Variants in REC114 observed in about 807,000 individuals in gnomAD.
REC114 encodes REC114 meiotic recombination protein, also known as meiotic recombination protein REC114.
REC114 carries 27 observed loss-of-function variants against 31.3 expected under a neutral mutation model. That is an observed-to-expected ratio of 0.86 (90% CI 0.64 to 1.19). REC114 has a LOEUF of 1.19. Among genes scored for constraint, REC114 ranks in the 50% most tolerant of loss-of-function variants. The pLI is 0.00. For synonymous variants in REC114, 134 were observed against 127.7 expected, an observed-to-expected ratio of 1.05 and a Z score of -0.33; for missense variants, 344 against 326.9, an observed-to-expected ratio of 1.05 and a Z score of -0.40.
At chr15:73,478,071 C>G (rs932739169) in intron 2 of REC114, among the ~76,000 whole-genome samples, 1 of 151,888 alleles carries the variant, frequency 6.6e-6, no homozygotes, top group Non-Finnish European at 1.5e-5. Flanking sequence ...CGAGACCAGC[C>G]TGGCCAACAT....
At chr15:73,473,153 G>A (rs1350792457) in intron 1 of REC114, among the ~76,000 whole-genome samples, 1 of 152,162 alleles carries the variant, frequency 6.6e-6, no homozygotes, top group African/African-American at 2.4e-5. Flanking sequence ...ACTTTGGGAG[G>A]CTGAGGTGGG....
chr15:73,519,785 T>C (rs1893909963), intron 2 of REC114, among the ~76,000 whole-genome samples: 1 of 152,256 alleles, frequency 6.6e-6, no homozygotes, highest in South Asian at 2.1e-4. Flanking sequence ...TAATGGAATA[T>C]TATTTATCCT....
chr15:73,503,334 G>A (rs979277122), intron 2 of REC114, among the ~76,000 whole-genome samples: 6 of 152,048 alleles, frequency 3.9e-5, no homozygotes. Flanking sequence ...ACTAAAAAGG[G>A]TGAGTTTTAC....
At chr15:73,495,466 A>C (rs1376311340) in intron 2 of REC114, among the ~76,000 whole-genome samples, 1 of 151,980 alleles carries the variant, frequency 6.6e-6, no homozygotes, top group Non-Finnish European at 1.5e-5. Flanking sequence ...CCAAAACAAA[A>C]CATAAATACC....
intron 2 of REC114, among the ~76,000 whole-genome samples, chr15:73,538,342 G>GT (rs1555404355): frequency 6.6e-6 from 1 of 150,878 alleles, no homozygotes; most frequent in Non-Finnish European, 1.5e-5. Context: ...TTTGTTCAGT[G>GT]TTTTTTGATA....
At chr15:73,533,894 C>A (rs1260925927) in intron 2 of REC114, among the ~76,000 whole-genome samples, 25 of 80,196 alleles carry the variant, frequency 3.1e-4, no homozygotes, top group African/African-American at 1.3e-3. Flanking sequence ...CACTCAAAAC[C>A]GCTCAACTAC....
At position 73,508,423 on chromosome 15, in the gene REC114, C is replaced by CT. The variant is rs200021553; in HGVS notation, c.250-32049dup. Among the ~76,000 whole-genome samples, 503 of 122,108 alleles carry CT rather than the reference C, an allele frequency of 4.1e-3. 1 individual carries two copies. Among genetic ancestry groups the CT allele is most frequent in the African/African-American group, 0.011 (383 of 34,070 alleles). The allele number at this position is 122,108 out of a possible 152,430, so 80.1% of individuals were successfully genotyped here. ...ACTACCCTCTACCGCAGCACAGTTT[C>CT]TTTTTTTTTTTTTCTTTTTTAATTT... On this transcript the variant is annotated intron_variant, in intron 2 of 5. Transcript: ENST00000331090.
intron 2 of REC114, among the ~76,000 whole-genome samples, chr15:73,534,720 A>C (rs1894131616): frequency 6.6e-6 from 1 of 150,686 alleles, no homozygotes; most frequent in Non-Finnish European, 1.5e-5. Flanking sequence ...AGGCAGAGAC[A>C]CAACAAAAAA....
At chr15:73,508,750 C>G (rs1374527848) in intron 2 of REC114, among the ~76,000 whole-genome samples, 1 of 150,772 alleles carries the variant, frequency 6.6e-6, no homozygotes, top group Non-Finnish European at 1.5e-5. Context: ...CAATTTCATC[C>G]ATGTCCCTAC....
intron 2 of REC114, among the ~76,000 whole-genome samples, chr15:73,475,092 A>G (rs1893192733): frequency 6.6e-6 from 1 of 152,180 alleles, no homozygotes. Context: ...TCTCCCTGCC[A>G]ATATCATGGG....
intron 2 of REC114, among the ~76,000 whole-genome samples, chr15:73,524,571 C>G (rs961971253): frequency 5.9e-5 from 9 of 152,162 alleles, no homozygotes; most frequent in Non-Finnish European, 1.3e-4. Context: ...CCCAGATGAA[C>G]TGCAGACAAG....
intron 4 of REC114, among the ~76,000 whole-genome samples, chr15:73,555,140 GCAACCAT>G (rs1027376246): frequency 2.6e-5 from 4 of 152,084 alleles, no homozygotes; most frequent in African/African-American, 9.7e-5. Flanking sequence ...CTACTGACTA[GCAACCAT>G]CAGATTCTCT....
intron 2 of REC114, among the ~76,000 whole-genome samples, chr15:73,532,636 T>C (rs1045451048): frequency 1.3e-5 from 2 of 152,050 alleles, no homozygotes; most frequent in Non-Finnish European, 1.5e-5. Flanking sequence ...CCACATCCTC[T>C]CCAGCACTAG....
chr15:73,455,133 C>T (rs536356178), intron 1 of REC114, among the ~76,000 whole-genome samples: 23 of 151,662 alleles, frequency 1.5e-4, no homozygotes, highest in Non-Finnish European at 3.1e-4. Context: ...TTGGAAAAAA[C>T]GAAAGAGAAA....
In REC114 at chr15:73,491,944, CTTTG is replaced by C. The variant is rs555257430; in HGVS notation, c.249+18028_249+18031del. On this transcript the variant is annotated intron_variant, in intron 2 of 5. Transcript: ENST00000331090. ...TTGTACCATTTTGCTTTTCCACCAG[CTTTG>C]TTTGGCAGTTCAAGTTGCTCTATAA... 1.2e-3 allele frequency among the ~76,000 whole-genome samples: 182 copies of C among 152,052 alleles called. 1 individual carries two copies. Among genetic ancestry groups the C allele is most frequent in the African/African-American group, 4.2e-3 (175 of 41,490 alleles).
At chr15:73,494,359 G>A (rs1893486954) in intron 2 of REC114, among the ~76,000 whole-genome samples, 1 of 151,942 alleles carries the variant, frequency 6.6e-6, no homozygotes, top group South Asian at 2.1e-4. Flanking sequence ...AGGTGTGGTA[G>A]CACGCACCTG....
intron 5 of REC114, among the ~76,000 whole-genome samples, chr15:73,558,331 A>G (rs761251387): frequency 2.6e-5 from 4 of 152,248 alleles, no homozygotes; most frequent in Non-Finnish European, 5.9e-5. Flanking sequence ...TGAGGAGTCA[A>G]TAAGATGACC....
chr15:73,501,736 T>C (rs956742619), intron 2 of REC114, among the ~76,000 whole-genome samples: 1 of 152,178 alleles, frequency 6.6e-6, no homozygotes, highest in Non-Finnish European at 1.5e-5. Flanking sequence ...TGAGCCACCA[T>C]GCCTGGCCAC....
Position 73,549,178 on chromosome 15 carries a change from T to TA in REC114, c.334-1749dup, listed in dbSNP as rs905455028. Among the ~76,000 whole-genome samples, 81 of 148,452 alleles carry TA rather than the reference T, an allele frequency of 5.5e-4. 1 individual carries two copies. In the Middle Eastern group the frequency reaches 0.017, roughly 32 times the overall value. On this transcript the variant is annotated intron_variant, in intron 3 of 5. Transcript: ENST00000331090. ...GGACCCTTGAACTTAGAATAAAAGT[T>TA]AAAAAAAAAAATTATGAGATCTTGT...
Sources: allele counts gnomAD v4.1 joint callset (sites outside exome capture counted in the v4.1 genomes callset), GRCh38; gene constraint gnomAD v4.1.1; transcripts MANE v1.5; gene names NCBI Gene and HGNC (gene_info 2026-07-23, HGNC 2026-07-21).